ADAMTSL1: variants seen among roughly 807,000 people sequenced by gnomAD.
ADAMTSL1 encodes the protein ADAMTS-like protein 1.
A neutral mutation model predicts 201.8 loss-of-function variants in ADAMTSL1; 126 were observed. The observed-to-expected ratio is 0.62, with a 90% CI of 0.54 to 0.72. The LOEUF is 0.72. Ranked by LOEUF, ADAMTSL1 falls within the 30% of genes least tolerant of loss-of-function variation. ADAMTSL1 has a pLI of 0.00. For missense variants in ADAMTSL1, 2,679 were observed against 2,277.8 expected, an observed-to-expected ratio of 1.18 and a Z score of -3.59; for synonymous variants, 1,121 against 903.4, an observed-to-expected ratio of 1.24 and a Z score of -4.32.
chr9:18,201,142 T>C (rs1829428736), intron 2 of ADAMTSL1, among the ~76,000 whole-genome samples: 2 of 152,080 alleles, frequency 1.3e-5, no homozygotes, highest in African/African-American at 4.8e-5. Context: ...GCATAGACAG[T>C]TTATCAAACA....
chr9:18,190,327 T>A (rs1310357261), intron 2 of ADAMTSL1, among the ~76,000 whole-genome samples: 1 of 152,208 alleles, frequency 6.6e-6, no homozygotes, highest in African/African-American at 2.4e-5. Flanking sequence ...CAACTCTTTT[T>A]AATCCTTGAC....
chr9:18,266,458 A>G (rs929743235), intron 2 of ADAMTSL1, among the ~76,000 whole-genome samples: 1 of 152,202 alleles, frequency 6.6e-6, no homozygotes, highest in Admixed American at 6.5e-5. Flanking sequence ...ATGACTGTGG[A>G]TATCTATTCA....
chr9:18,874,147 C>A (rs911285031), intron 23 of ADAMTSL1, among the ~76,000 whole-genome samples: 1 of 152,030 alleles, frequency 6.6e-6, no homozygotes, highest in African/African-American at 2.4e-5. Context: ...AATTTTGTAT[C>A]CTGAAACTTT....
chr9:17,958,095 T>C (rs1435545218), intron 1 of ADAMTSL1, among the ~76,000 whole-genome samples: 7 of 152,136 alleles, frequency 4.6e-5, no homozygotes, highest in Non-Finnish European at 8.8e-5. Context: ...CTAGTCCTCT[T>C]TGTAAATGTC....
At chr9:18,626,947 C>CTTTCT (rs533010383) in intron 5 of ADAMTSL1, among the ~76,000 whole-genome samples, 27,270 of 131,878 alleles carry the variant, frequency 0.21, 3,483 homozygotes, top group African/African-American at 0.38. Flanking sequence ...TCCTTTCTTT[C>CTTTCT]TTTCTTTTCT....
At chr9:18,651,167 G>A (rs1828225628) in intron 7 of ADAMTSL1, 1 of 152,126 alleles carries the variant, frequency 6.6e-6, no homozygotes, top group Admixed American at 6.5e-5. Flanking sequence ...GCAGACTGGG[G>A]GTGACATCTG....
chr9:18,850,996 A>AT (rs574766456), intron 23 of ADAMTSL1, among the ~76,000 whole-genome samples: 153 of 151,804 alleles, frequency 1.0e-3, no homozygotes, highest in Non-Finnish European at 1.7e-3. Context: ...ATAATTGCTA[A>AT]TTTTTTTTTA....
chr9:18,110,035 A>G (rs1824935576), intron 1 of ADAMTSL1, among the ~76,000 whole-genome samples: 1 of 152,208 alleles, frequency 6.6e-6, no homozygotes. Context: ...GCTACTCCCC[A>G]AGCCTAGCCC....
At position 18,906,723 on chromosome 9, in the gene ADAMTSL1, G is replaced by A. The variant is rs747748881; in HGVS notation, c.4993G>A (p.Ala1665Thr). The A allele has an allele frequency of 2.5e-6, 4 of 1,610,388 alleles. No homozygotes were observed. The highest frequency in any genetic ancestry group is 2.2e-5 in the South Asian group (2 of 90,518). Residue 1665 changes from alanine to threonine, a missense_variant, in exon 28 of 29, where the codon GCC becomes ACC. Transcript: ENST00000380548. The part of the protein sequence containing the change: ...PVSTQNCWSE[A>T]CSVHWRVSLW... ...GAGCACCCAGAACTGCTGGTCAGAG[G>A]CCTGCAGTGTACACTGGAGAGTCAG...
At position 18,776,938 on chromosome 9, in the gene ADAMTSL1, G is replaced by C. The variant is rs532420837; in HGVS notation, c.2709G>C (p.Arg903Ser). ...TGGTGCTGCGCTGCCCGGCGCGCAGGGTCCGCAAGCCCCTCATCACCTGGG... is the reference window on the plus strand; with the variant it reads ...TGGTGCTGCGCTGCCCGGCGCGCAGCGTCCGCAAGCCCCTCATCACCTGGG... ...TAVVLRCPAR[R>S]VRKPLITWEK... Residue 903 changes from arginine (R) to serine (S), a missense_variant, in exon 19 of 29, where the codon AGG (arginine) becomes AGC (serine). Transcript: ENST00000380548. 68 of 1,601,890 alleles carry C rather than the reference G, an allele frequency of 4.2e-5. 1 individual carries two copies. The South Asian group carries it at 7.2e-4, about 17-fold the overall frequency.
At chr9:18,210,588 A>C (rs72684911) in intron 2 of ADAMTSL1, among the ~76,000 whole-genome samples, 4,914 of 150,448 alleles carry the variant, frequency 0.033, 122 homozygotes, top group Non-Finnish European at 0.053. Context: ...AAAAATTATT[A>C]ATATTCCTAT....
chr9:18,342,966 T>C (rs963496918), intron 2 of ADAMTSL1, among the ~76,000 whole-genome samples: 1 of 152,086 alleles, frequency 6.6e-6, no homozygotes, highest in Non-Finnish European at 1.5e-5. Context: ...TTAATGGAAA[T>C]GAGCATAATT....
intron 23 of ADAMTSL1, among the ~76,000 whole-genome samples, chr9:18,882,592 C>T (rs1446062431): frequency 1.3e-5 from 2 of 152,150 alleles, no homozygotes; most frequent in Non-Finnish European, 2.9e-5. Flanking sequence ...TTTCTACACT[C>T]ATTTCAGAAC....
chr9:18,693,842 G>A (rs1052189002), intron 13 of ADAMTSL1, among the ~76,000 whole-genome samples: 16 of 152,180 alleles, frequency 1.1e-4, no homozygotes, highest in Admixed American at 2.0e-4. Context: ...GATGCTCAAA[G>A]ATGTTAATAG....
rs542984955 is a variant in ADAMTSL1, at chr9:18,770,720, G to A, written c.2336G>A (p.Cys779Tyr). ...ETFCSASKPACQQACKKDDCP... is the reference protein window; with the variant it reads ...ETFCSASKPAYQQACKKDDCP... ...TTCTGTTCAGCTTCAAAACCTGCCT[G>A]CCAGCAAGCATGCAAGAAAGATGAC... Residue 779 changes from cysteine (C) to tyrosine (Y), a missense_variant, in exon 17 of 29, where the codon TGC (cysteine) becomes TAC (tyrosine). Physicochemically the swap from Cys to Tyr is radical, Grantham distance 194 (BLOSUM62 -2). Transcript: ENST00000380548. 1.9e-6 allele frequency: 3 copies of A among 1,613,860 alleles called. No homozygotes were observed. The South Asian group carries it at 3.3e-5, about 18-fold the overall frequency.
rs1019521635 is a variant in ADAMTSL1 at position 18,280,735 on chromosome 9, C to T, written c.207+116754C>T. On this transcript the variant is annotated intron_variant, in intron 2 of 29. Coordinates refer to the ADAMTSL1 transcript ENST00000680146. ...TTACGTAGAAATATAAGTGACTTGTCTTTTAACCTTGTACCCTATGATTTT... is the reference window on the plus strand; with the variant it reads ...TTACGTAGAAATATAAGTGACTTGTTTTTTAACCTTGTACCCTATGATTTT... Among the ~76,000 whole-genome samples the T allele has an allele frequency of 2.6e-5, 4 of 152,142 alleles. No homozygotes were observed. In the South Asian group the frequency reaches 8.3e-4, roughly 31 times the overall value.
intron 16 of ADAMTSL1, among the ~76,000 whole-genome samples, chr9:18,767,667 T>C (rs1486352318): frequency 6.6e-6 from 1 of 152,204 alleles, no homozygotes; most frequent in East Asian, 1.9e-4. Flanking sequence ...CAGACATTTA[T>C]TGAGAACATT....
At chr9:18,002,342 C>A (rs1269455769) in intron 1 of ADAMTSL1, among the ~76,000 whole-genome samples, 1 of 151,976 alleles carries the variant, frequency 6.6e-6, no homozygotes, top group Admixed American at 6.6e-5. Context: ...TCTGGTTCCA[C>A]AATATTGCTA....
intron 2 of ADAMTSL1, among the ~76,000 whole-genome samples, chr9:18,284,981 T>C (rs1401392800): frequency 1.3e-5 from 2 of 152,208 alleles, no homozygotes; most frequent in Non-Finnish European, 2.9e-5. Flanking sequence ...TGTTTTTCTA[T>C]GTTCAAACAA....
Sources: gnomAD v4.1 joint callset for allele counts (sites outside exome capture counted in the v4.1 genomes callset) on GRCh38, gnomAD v4.1.1 for gene constraint, MANE v1.5 for transcripts, NCBI Gene and HGNC (gene_info 2026-07-23, HGNC 2026-07-21) for gene names.